Variants in AOAH observed in about 807,000 individuals in gnomAD.
AOAH encodes acyloxyacyl hydrolase.
In AOAH, 64 loss-of-function variants were observed where a neutral mutation model predicts 92.2. The observed-to-expected ratio is 0.69, with a 90% confidence interval of 0.57 to 0.86. The LOEUF (loss-of-function observed/expected upper bound fraction) is 0.86. Ranked by LOEUF, AOAH falls within the 40% of genes least tolerant of loss-of-function variation. The pLI, the probability that AOAH is intolerant of heterozygous loss-of-function variation, is 0.00. For synonymous variants in AOAH, 263 were observed against 254.5 expected, an observed-to-expected ratio of 1.03 and a Z score of -0.32; for missense variants, 656 against 694.6, an observed-to-expected ratio of 0.94 and a Z score of 0.62.
intron 1 of AOAH, among the ~76,000 whole-genome samples, chr7:36,695,497 G>T (rs1281292210): frequency 6.6e-6 from 1 of 152,082 alleles, no homozygotes; most frequent in African/African-American, 2.4e-5. Context: ...TCATAAGATT[G>T]CTTCTTTCCA....
intron 1 of AOAH, among the ~76,000 whole-genome samples, chr7:36,707,665 A>ATATT (rs948162830): frequency 1.3e-4 from 20 of 152,172 alleles, no homozygotes; most frequent in African/African-American, 4.3e-4. Flanking sequence ...GCGATTAGTC[A>ATATT]TATTACTGTT....
rs1280163643 is a variant in AOAH at position 36,614,196 on chromosome 7, T to C, written c.846+2184A>G. Among the ~76,000 whole-genome samples, 1 of 152,172 alleles carries C rather than the reference T, an allele frequency of 6.6e-6. No homozygotes were observed. The highest frequency in any genetic ancestry group is 1.5e-5 in the Non-Finnish European group (1 of 68,026). On this transcript the variant is annotated intron_variant, in intron 11 of 20. Coordinates refer to ENST00000617537, the MANE Select transcript of AOAH (RefSeq NM_001637.4). The surrounding 1 kb of genome is among the most constrained non-coding windows in gnomAD (Gnocchi z 4.2). ...GCAGGGGCACCACCCCCTTCTCTAA[T>C]GGACACGGTGGCTCTTGGGACGAGT...
At chr7:36,615,101 G>A (rs1253109972) in intron 11 of AOAH, among the ~76,000 whole-genome samples, 31 of 152,098 alleles carry the variant, frequency 2.0e-4, no homozygotes, top group Non-Finnish European at 4.4e-5. Flanking sequence ...TCCCGAGTCT[G>A]GCTTGCCTTT....
intron 19 of AOAH, among the ~76,000 whole-genome samples, chr7:36,530,048 A>G (rs1359060808): frequency 1.3e-5 from 2 of 152,136 alleles, no homozygotes; most frequent in East Asian, 3.9e-4. Context: ...GAGAGGTGCC[A>G]CCATATCCCT....
chr7:36,669,141 G>C (rs1006589748), intron 3 of AOAH, among the ~76,000 whole-genome samples: 7 of 152,288 alleles, frequency 4.6e-5, no homozygotes, highest in African/African-American at 1.4e-4. Context: ...TAGGGGAATA[G>C]AGCCTTTTTC....
intron 11 of AOAH, among the ~76,000 whole-genome samples, chr7:36,613,370 T>A (rs1408476071): frequency 6.6e-6 from 1 of 152,228 alleles, no homozygotes; most frequent in East Asian, 1.9e-4. Context: ...ATCCTTGGAA[T>A]AAATAAGGAA....
At chr7:36,722,170 A>G (rs570959550) in intron 1 of AOAH, among the ~76,000 whole-genome samples, 1 of 152,342 alleles carries the variant, frequency 6.6e-6, no homozygotes, top group South Asian at 2.1e-4. Flanking sequence ...CAGTGTTCGA[A>G]CAAATTTTTC....
intron 13 of AOAH, among the ~76,000 whole-genome samples, chr7:36,552,800 T>C (rs1482885311): frequency 1.3e-5 from 2 of 152,174 alleles, no homozygotes; most frequent in Non-Finnish European, 2.9e-5. Flanking sequence ...GTTTAGCTCC[T>C]ACTTGTAAGT....
intron 12 of AOAH, among the ~76,000 whole-genome samples, chr7:36,587,668 A>G (rs77748923): frequency 0.093 from 14,100 of 152,238 alleles, 745 homozygotes; most frequent in African/African-American, 0.13. Context: ...TACATATCAC[A>G]TTAGAAGAGT....
intron 11 of AOAH, among the ~76,000 whole-genome samples, chr7:36,611,007 T>G (rs1435014583): frequency 6.6e-6 from 1 of 152,196 alleles, no homozygotes; most frequent in African/African-American, 2.4e-5. Context: ...TTTAAGTCAC[T>G]GGAGATTTGG....
At chr7:36,594,791 T>C (rs1789990476) in intron 11 of AOAH, 1 of 308,426 alleles carries the variant, frequency 3.2e-6, no homozygotes, top group Admixed American at 4.8e-5. Flanking sequence ...ATCTGAAAAG[T>C]AATTAATCTG....
Position 36,616,430 on chromosome 7 carries a change from C to T in AOAH, c.796G>A (p.Ala266Thr). The change falls in exon 11 of 21, where the codon GCT (alanine) becomes ACT (threonine). Residue 266 changes from alanine (A) to threonine (T), a missense_variant. By Grantham distance (58) the Ala-to-Thr change is moderately conservative. Transcript: ENST00000617537. ...GIILLGDSAG[A>T]HFHISPEWIT... ...CATTCAGGAGAGATGTGAAAATGAG[C>T]CCCAGCTGAGTCTCCCAGCAAAATG... 6.2e-7 allele frequency: 1 copy of T among 1,614,064 alleles called. No homozygotes were observed. The highest frequency in any genetic ancestry group is 8.5e-7 in the Non-Finnish European group (1 of 1,179,930).
intron 19 of AOAH, among the ~76,000 whole-genome samples, chr7:36,526,809 T>G (rs771092400): frequency 2.0e-5 from 3 of 152,180 alleles, no homozygotes; most frequent in Non-Finnish European, 4.4e-5. Context: ...TCAAACACTG[T>G]TTGATGAACA....
At chr7:36,684,755 C>CA (rs916426182) in intron 2 of AOAH, among the ~76,000 whole-genome samples, 2 of 150,686 alleles carry the variant, frequency 1.3e-5, no homozygotes, top group Non-Finnish European at 3.0e-5. Flanking sequence ...CCTGTCTCAG[C>CA]AAAAAAATTT....
At position 36,545,835 on chromosome 7, in the gene AOAH, T is replaced by C. The variant is rs114981341; in HGVS notation, c.1133+2777A>G. Reference sequence around the variant, plus strand: ...GCTGCGCTGGGATGTTGGCAAAGGATTGTCACTGGCCTTTATGATTGGACG... The same window carrying C: ...GCTGCGCTGGGATGTTGGCAAAGGACTGTCACTGGCCTTTATGATTGGACG... On this transcript the variant is annotated intron_variant, in intron 15 of 20. Transcript: ENST00000617537. 8.8e-3 allele frequency among the ~76,000 whole-genome samples: 1,335 copies of C among 152,314 alleles called. 15 individuals are homozygous for C. The highest frequency in any genetic ancestry group is 0.029 in the African/African-American group (1,219 of 41,562).
chr7:36,648,862 A>G (rs2116424195), intron 4 of AOAH, among the ~76,000 whole-genome samples: 1 of 152,334 alleles, frequency 6.6e-6, no homozygotes, highest in African/African-American at 2.4e-5. Context: ...TTCTGTGTCT[A>G]GAAGGCCTTG....
intron 11 of AOAH, among the ~76,000 whole-genome samples, chr7:36,596,581 C>T (rs1247994496): frequency 1.3e-5 from 2 of 152,068 alleles, no homozygotes; most frequent in South Asian, 2.1e-4. Flanking sequence ...GGGGGAAGGC[C>T]GTGCAATGGT....
chr7:36,684,587 A>G (rs753845842), intron 2 of AOAH, among the ~76,000 whole-genome samples: 1 of 152,076 alleles, frequency 6.6e-6, no homozygotes, highest in Non-Finnish European at 1.5e-5. Context: ...AAATTAATAG[A>G]TCTCATCATT....
rs973726708 is a variant in AOAH, at chr7:36,614,330, C to T, written c.846+2050G>A. On this transcript the variant is annotated intron_variant, in intron 11 of 20. Coordinates refer to ENST00000617537, the MANE Select transcript of AOAH (RefSeq NM_001637.4). The surrounding 1 kb of genome is among the most constrained non-coding windows in gnomAD (Gnocchi z 4.2). ...TGCAGTGCATCAGACCCGGGCAGGG[C>T]TTTATGTGTGTGCAACCAGTGGGTC... is the stretch of plus-strand genomic sequence containing the variant. Among the ~76,000 whole-genome samples, 1 of 152,150 alleles carries T rather than the reference C, an allele frequency of 6.6e-6. No individual in the cohort carries two copies. Among genetic ancestry groups the T allele is most frequent in the Admixed American group, 6.5e-5 (1 of 15,270 alleles).
Sources: allele counts gnomAD v4.1 joint callset (sites outside exome capture counted in the v4.1 genomes callset), GRCh38; gene constraint gnomAD v4.1.1; non-coding constraint Gnocchi (gnomAD v3.1); transcripts MANE v1.5; gene names NCBI Gene and HGNC (gene_info 2026-07-23, HGNC 2026-07-21).